The following SLC22A3 variants were observed in gnomAD, a reference collection of about 807,000 sequenced individuals.
SLC22A3 encodes the protein EMT organic cation transporter 3.
In SLC22A3, 51 loss-of-function variants were observed where a neutral mutation model predicts 59.1. The observed-to-expected ratio is 0.86, with a 90% CI of 0.69 to 1.09. SLC22A3 has a LOEUF of 1.09. Ranked by LOEUF, SLC22A3 falls within the 50% of genes least tolerant of loss-of-function variation. The probability of loss-of-function intolerance (pLI) is 0.00; values close to 1 mark genes in which losing one functional copy is unlikely to be tolerated. For synonymous variants in SLC22A3, 325 were observed against 292.0 expected (o/e 1.11, Z -1.15); for missense variants, 711 against 726.3 (o/e 0.98, Z 0.24).
intron 1 of SLC22A3, among the ~76,000 whole-genome samples, chr6:160,376,252 A>G (rs1281812914): frequency 6.6e-6 from 1 of 152,166 alleles, no homozygotes; most frequent in African/African-American, 2.4e-5. Context: ...ACAGAAAACC[A>G]AACACCACAT....
intron 4 of SLC22A3, 34 bp from the exon 5 acceptor site, chr6:160,410,695 A>G: frequency 7.4e-7 from 1 of 1,351,596 alleles, no homozygotes; most frequent in Non-Finnish European, 1.1e-6. Context: ...TGAAATTCCT[A>G]GACATAACTC....
intron 1 of SLC22A3, among the ~76,000 whole-genome samples, chr6:160,384,479 A>C (rs1373847085): frequency 6.6e-6 from 1 of 152,216 alleles, no homozygotes; most frequent in Non-Finnish European, 1.5e-5. Flanking sequence ...TCTCACACTA[A>C]GGGTGAGGAA....
chr6:160,430,490 G>A (rs1788111294), intron 5 of SLC22A3, among the ~76,000 whole-genome samples: 1 of 152,142 alleles, frequency 6.6e-6, no homozygotes, highest in African/African-American at 2.4e-5. Context: ...GTTTCACCAG[G>A]AAGAATTGCA....
intron 1 of SLC22A3, among the ~76,000 whole-genome samples, chr6:160,354,094 C>G (rs1784749984): frequency 6.6e-6 from 1 of 152,140 alleles, no homozygotes; most frequent in South Asian, 2.1e-4. Context: ...TAGAAAGGAG[C>G]TTTGGGCAAA....
At chr6:160,417,313 T>C (rs1348632949) in intron 5 of SLC22A3, among the ~76,000 whole-genome samples, 1 of 152,128 alleles carries the variant, frequency 6.6e-6, no homozygotes, top group Non-Finnish European at 1.5e-5. Context: ...TCAGGGTGGG[T>C]CTCAGAAGGA....
chr6:160,366,846 T>G (rs1470853172), intron 1 of SLC22A3, among the ~76,000 whole-genome samples: 2 of 152,168 alleles, frequency 1.3e-5, no homozygotes, highest in African/African-American at 4.8e-5. Flanking sequence ...TATCAGCATT[T>G]TGGTCAAAGT....
chr6:160,379,189 T>C (rs1785706578), intron 1 of SLC22A3, among the ~76,000 whole-genome samples: 2 of 152,176 alleles, frequency 1.3e-5, no homozygotes, highest in Non-Finnish European at 2.9e-5. Context: ...TTCCTTTCCT[T>C]GAAAGGGATA....
rs546158948 is a variant in SLC22A3, at chr6:160,359,879, TG to T, written c.429+11032del. Among the ~76,000 whole-genome samples the T allele has an allele frequency of 4.6e-3, 696 of 152,338 alleles. 3 individuals carry two copies. Among genetic ancestry groups the T allele is most frequent in the African/African-American group, 0.016 (671 of 41,586 alleles). On this transcript the variant is annotated intron_variant, in intron 1 of 10. Coordinates refer to ENST00000275300, the MANE Select transcript of SLC22A3 (RefSeq NM_021977.4). ...TTCTGTAAAGAACTGTATTAACATTTGTAAACAGAGTCCAAGAAAAATTAAT... is the reference window on the plus strand; with the variant it reads ...TTCTGTAAAGAACTGTATTAACATTTTAAACAGAGTCCAAGAAAAATTAAT...
intron 9 of SLC22A3, among the ~76,000 whole-genome samples, chr6:160,444,030 T>G (rs1477321137): frequency 6.6e-6 from 1 of 152,198 alleles, no homozygotes; most frequent in African/African-American, 2.4e-5. Context: ...GCTGTGAAAC[T>G]CTTATGGTAT....
intron 1 of SLC22A3, among the ~76,000 whole-genome samples, chr6:160,383,041 A>T (rs1295425079): frequency 6.6e-6 from 1 of 152,214 alleles, no homozygotes. Flanking sequence ...ACTATCAAGG[A>T]GTCCAGCACA....
At chr6:160,383,393 C>T (rs1215776885) in intron 1 of SLC22A3, among the ~76,000 whole-genome samples, 3 of 152,182 alleles carry the variant, frequency 2.0e-5, no homozygotes, top group Non-Finnish European at 2.9e-5. Context: ...CTCCACTGCA[C>T]CCCAAATCAG....
chr6:160,429,505 C>G (rs113731898), intron 5 of SLC22A3, among the ~76,000 whole-genome samples: 2,479 of 152,230 alleles, frequency 0.016, 63 homozygotes, highest in African/African-American at 0.057. Context: ...TTTCTGCACC[C>G]AGAGCCCCAG....
intron 1 of SLC22A3, among the ~76,000 whole-genome samples, chr6:160,374,145 C>T (rs563105352): frequency 3.9e-5 from 6 of 152,308 alleles, no homozygotes; most frequent in South Asian, 2.1e-4. Context: ...TATAGGCACC[C>T]GAGGGAATCT....
rs146195833 is a variant in SLC22A3, at chr6:160,391,810, C to T, written c.430-6169C>T. Among the ~76,000 whole-genome samples, 16 of 152,220 alleles carry T rather than the reference C, an allele frequency of 1.1e-4. No homozygotes were observed. The East Asian group carries it at 3.1e-3, about 29-fold the overall frequency. ...CAACCTGAGGATGAGTCACCAAGGG[C>T]AGAAGTTAATAAATGACAGGAATTA... On this transcript the variant is annotated intron_variant, in intron 1 of 10. Transcript: ENST00000275300.
rs996751606 is a variant in SLC22A3 at position 160,348,465 on chromosome 6, C to T, written c.46C>T (p.Arg16Cys). The change falls in exon 1 of 11, where the codon CGC becomes TGC. Residue 16 changes from arginine to cysteine, a missense_variant. Transcript: ENST00000275300. ...EALQRVGEFG[R>C]FQRRVFLLLC... is the part of the protein sequence containing the mutation. ...GCTGCAGCGGGTGGGCGAGTTCGGGCGCTTCCAGAGGCGCGTGTTTTTGCT... is the reference window on the plus strand; with the variant it reads ...GCTGCAGCGGGTGGGCGAGTTCGGGTGCTTCCAGAGGCGCGTGTTTTTGCT... 22 of 1,538,864 alleles carry T rather than the reference C, an allele frequency of 1.4e-5. No individual in the cohort carries two copies. The African/African-American group carries it at 2.6e-4, about 18-fold the overall frequency.
In SLC22A3 at chr6:160,426,908, G is replaced by C. The variant is rs545867676; in HGVS notation, c.976-9872G>C. On this transcript the variant is annotated intron_variant, in intron 5 of 10. Transcript: ENST00000275300. ...CTTGCTTTCTGTGTCTACCGCACTA[G>C]TGGGACTTGTGGGTCCCTATTGTCT... Among the ~76,000 whole-genome samples the C allele has an allele frequency of 7.0e-4, 106 of 152,298 alleles. No individual in the cohort carries two copies. In the Middle Eastern group the frequency reaches 0.017, roughly 24 times the overall value.
chr6:160,396,806 A>T (rs1471340273), intron 1 of SLC22A3, among the ~76,000 whole-genome samples: 3 of 152,142 alleles, frequency 2.0e-5, no homozygotes, highest in African/African-American at 4.8e-5. Context: ...AAGCAGAAAA[A>T]ATCCAATATT....
chr6:160,353,044 C>T (rs921867776), intron 1 of SLC22A3, among the ~76,000 whole-genome samples: 6 of 152,126 alleles, frequency 3.9e-5, no homozygotes, highest in Non-Finnish European at 7.4e-5. Context: ...TGACCTCAGG[C>T]GATCTGCTTG....
At chr6:160,348,973 C>T in intron 1 of SLC22A3, 125 bp downstream of exon 1, 1 of 1,518,522 alleles carries the variant, frequency 6.6e-7, no homozygotes, top group Admixed American at 2.0e-5. Flanking sequence ...GGTCGGCTAC[C>T]TCTGGGGACA....
Sources: allele counts gnomAD v4.1 joint callset (sites outside exome capture counted in the v4.1 genomes callset), GRCh38; gene constraint gnomAD v4.1.1; transcripts MANE v1.5; gene names NCBI Gene and HGNC (gene_info 2026-07-23, HGNC 2026-07-21).